The following FBXW8 variants were observed in gnomAD, a reference collection of about 807,000 sequenced individuals.
FBXW8 encodes F-box and WD repeat domain containing 8.
FBXW8 carries 57 observed loss-of-function variants against 65.3 expected under a neutral mutation model. That is an observed-to-expected ratio of 0.87 (90% CI 0.71 to 1.09). The LOEUF is 1.09. Ranked by LOEUF, FBXW8 falls within the 50% of genes least tolerant of loss-of-function variation. The probability of loss-of-function intolerance (pLI) is 0.00; values close to 1 mark genes in which losing one functional copy is unlikely to be tolerated. For missense variants in FBXW8, 777 were observed against 814.8 expected (o/e 0.95, Z 0.57); for synonymous variants, 308 against 330.2 (o/e 0.93, Z 0.73).
chr12:116,979,972 A>G (rs951651575), intron 5 of FBXW8, among the ~76,000 whole-genome samples: 1 of 152,166 alleles, frequency 6.6e-6, no homozygotes, highest in African/African-American at 2.4e-5. Flanking sequence ...CCAGGTGGGC[A>G]TGTTCATAGT....
rs1265909194 is a variant in FBXW8 at position 117,029,948 on chromosome 12, ACT to A, written c.*1779_*1780del. 1 of 151,864 alleles carries A rather than the reference ACT, an allele frequency of 6.6e-6. No homozygotes were observed. The highest frequency in any genetic ancestry group is 1.5e-5 in the Non-Finnish European group (1 of 67,970). 9.4% of individuals were successfully genotyped at this position (151,864 alleles called of 1,614,324 possible). The stretch of plus-strand genomic sequence containing the variant: ...AAAAAAAAAAAAGACAAAATATACA[ACT>A]CTTGATAAAACATAAAGGTACAGTG... On this transcript the variant is annotated 3_prime_UTR_variant, in exon 11 of 11. Transcript: ENST00000652555.
chr12:116,955,755 C>G (rs1004705523), intron 4 of FBXW8, among the ~76,000 whole-genome samples: 1 of 152,152 alleles, frequency 6.6e-6, no homozygotes, highest in Non-Finnish European at 1.5e-5. Context: ...TCCTTCTCCC[C>G]AGTTGCCCTC....
chr12:116,986,302 T>TG (rs1173095953), intron 6 of FBXW8: 3 of 152,354 alleles, frequency 2.0e-5, no homozygotes, highest in East Asian at 3.9e-4. Context: ...AATGGCCTGA[T>TG]GCTGTCAGCT....
Position 116,911,138 on chromosome 12 carries a change from G to T in FBXW8, c.101G>T (p.Arg34Met). 1 of 1,354,950 alleles carries T rather than the reference G, an allele frequency of 7.4e-7. No homozygotes were observed. Among genetic ancestry groups the T allele is most frequent in the Non-Finnish European group, 9.4e-7 (1 of 1,062,750 alleles). 83.9% of individuals were successfully genotyped at this position (1,354,950 alleles called of 1,614,324 possible). A position where few individuals can be genotyped will look rare whatever the true frequency, so the allele number is the denominator to read the frequency against. The change falls in exon 1 of 11, where the codon AGG (arginine) becomes ATG (methionine). Residue 34 changes from arginine (R) to methionine (M), a missense_variant. Arg to Met is a moderately conservative substitution (Grantham distance 91). Coordinates refer to ENST00000652555, the MANE Select transcript of FBXW8 (RefSeq NM_153348.3). ...KKRRRPEAAE[R>M]RARRPEVGSG... ...CGGCGACGGCCCGAGGCTGCCGAGAGGCGGGCTCGGCGGCCGGAGGTGGGC... is the reference window on the plus strand; with the variant it reads ...CGGCGACGGCCCGAGGCTGCCGAGATGCGGGCTCGGCGGCCGGAGGTGGGC...
chr12:116,971,751 T>G (rs1884661741), intron 5 of FBXW8, among the ~76,000 whole-genome samples: 1 of 152,220 alleles, frequency 6.6e-6, no homozygotes, highest in African/African-American at 2.4e-5. Flanking sequence ...CTAGATCTTT[T>G]GACCCCATTA....
chr12:116,949,883 G>A (rs1883168144), intron 4 of FBXW8, 177 bp downstream of exon 4: 6 of 629,424 alleles, frequency 9.5e-6, no homozygotes, highest in Non-Finnish European at 1.7e-5. Context: ...GTGAGAGCGC[G>A]CAGCAAGGGT....
intron 5 of FBXW8, among the ~76,000 whole-genome samples, chr12:116,984,620 A>G (rs560038891): frequency 4.6e-5 from 7 of 152,248 alleles, no homozygotes; most frequent in Non-Finnish European, 8.8e-5. Context: ...CATGTAGGAA[A>G]TTTCACATCT....
At chr12:116,968,787 T>C (rs1048540948) in intron 5 of FBXW8, among the ~76,000 whole-genome samples, 1 of 152,186 alleles carries the variant, frequency 6.6e-6, no homozygotes, top group Non-Finnish European at 1.5e-5. Flanking sequence ...AGTTTTAATT[T>C]ACATTTCTCT....
intron 4 of FBXW8, among the ~76,000 whole-genome samples, chr12:116,960,898 C>T (rs777397819): frequency 8.5e-5 from 13 of 152,242 alleles, no homozygotes; most frequent in South Asian, 4.2e-4. Context: ...CTTCAGGCTT[C>T]AAGGAGGGGA....
intron 1 of FBXW8, among the ~76,000 whole-genome samples, chr12:116,917,641 G>A (rs915568772): frequency 3.9e-5 from 6 of 152,184 alleles, no homozygotes; most frequent in African/African-American, 1.4e-4. Flanking sequence ...TGCTGCCTTG[G>A]AGTGTCATCT....
intron 2 of FBXW8, among the ~76,000 whole-genome samples, chr12:116,937,875 A>G (rs1247726508): frequency 6.6e-6 from 1 of 151,736 alleles, no homozygotes; most frequent in Admixed American, 6.6e-5. Flanking sequence ...TAATGCTGCA[A>G]TTCACAGTGG....
At chr12:116,962,134 A>G (rs1004536308) in intron 4 of FBXW8, among the ~76,000 whole-genome samples, 2 of 152,182 alleles carry the variant, frequency 1.3e-5, no homozygotes, top group African/African-American at 2.4e-5. Flanking sequence ...TAGCTTGGCC[A>G]TGAGCTGAAG....
At chr12:116,918,966 T>G (rs977178701) in intron 1 of FBXW8, among the ~76,000 whole-genome samples, 12 of 147,574 alleles carry the variant, frequency 8.1e-5, no homozygotes, top group Non-Finnish European at 1.5e-4. Context: ...ATATGCCATG[T>G]TTTTTTTTCC....
chr12:116,966,617 G>A (rs1412466023), intron 5 of FBXW8, among the ~76,000 whole-genome samples: 1 of 152,142 alleles, frequency 6.6e-6, no homozygotes, highest in Non-Finnish European at 1.5e-5. Context: ...GATGTGCAGG[G>A]GTGCTGCTGC....
At chr12:116,959,456 G>T (rs1021012080) in intron 4 of FBXW8, among the ~76,000 whole-genome samples, 16 of 152,122 alleles carry the variant, frequency 1.1e-4, no homozygotes, top group African/African-American at 3.6e-4. Flanking sequence ...GTGACCCTGG[G>T]TAAGTCACTT....
intron 2 of FBXW8, among the ~76,000 whole-genome samples, chr12:116,940,728 C>T (rs1882510726): frequency 6.6e-6 from 1 of 152,078 alleles, no homozygotes; most frequent in South Asian, 2.1e-4. Context: ...AAACAGACTG[C>T]AGGAGCTTTA....
At chr12:116,941,481 T>G (rs1278649306) in intron 2 of FBXW8, among the ~76,000 whole-genome samples, 1 of 152,202 alleles carries the variant, frequency 6.6e-6, no homozygotes, top group Non-Finnish European at 1.5e-5. Context: ...TTATCACACA[T>G]GGAGCTTGTG....
chr12:116,949,505 T>G (rs1883132420), intron 3 of FBXW8, 113 bp from the exon 4 acceptor site: 1 of 870,164 alleles, frequency 1.1e-6, no homozygotes, highest in Non-Finnish European at 1.9e-6. Flanking sequence ...TTGAATGCAC[T>G]TGTTGTCCAT....
chr12:116,931,925 T>C (rs1881800070), intron 2 of FBXW8, among the ~76,000 whole-genome samples: 1 of 152,178 alleles, frequency 6.6e-6, no homozygotes, highest in Admixed American at 6.5e-5. Context: ...CCTTGTCTTA[T>C]TCCTGAAGAA....
Sources: allele counts gnomAD v4.1 joint callset (sites outside exome capture counted in the v4.1 genomes callset), GRCh38; gene constraint gnomAD v4.1.1; transcripts MANE v1.5; gene names NCBI Gene and HGNC (gene_info 2026-07-23, HGNC 2026-07-21).